Variants in EPS15L1 observed in about 807,000 individuals in gnomAD.
EPS15L1 encodes the protein epidermal growth factor receptor substrate 15-like 1.
In EPS15L1, 43 loss-of-function variants were observed where a neutral mutation model predicts 117.1. The observed-to-expected ratio is 0.37, with a 90% CI of 0.29 to 0.47. The LOEUF is 0.47. Among genes scored for constraint, EPS15L1 ranks in the 20% least tolerant of loss-of-function variants. The pLI, the probability that EPS15L1 is intolerant of heterozygous loss-of-function variation, is 0.99. For missense variants in EPS15L1, 981 were observed against 1,164.0 expected, an observed-to-expected ratio of 0.84 and a Z score of 2.29; for synonymous variants, 459 against 470.5, an observed-to-expected ratio of 0.98 and a Z score of 0.32.
At chr19:16,408,307 C>T (rs769519318) in intron 13 of EPS15L1, among the ~76,000 whole-genome samples, 10 of 152,044 alleles carry the variant, frequency 6.6e-5, no homozygotes, top group Non-Finnish European at 1.2e-4. Flanking sequence ...GGCTTCTTTG[C>T]AGAAACAGAC....
At chr19:16,399,399 G>A (rs1384852189) in intron 16 of EPS15L1, among the ~76,000 whole-genome samples, 2 of 152,132 alleles carry the variant, frequency 1.3e-5, no homozygotes, top group African/African-American at 4.8e-5. Flanking sequence ...ACGGCCCTTG[G>A]CAGAGATGTA....
chr19:16,392,693 T>C (rs1403259751), intron 18 of EPS15L1, among the ~76,000 whole-genome samples: 1 of 152,158 alleles, frequency 6.6e-6, no homozygotes, highest in Non-Finnish European at 1.5e-5. Context: ...CTCATCTTAT[T>C]ACATAGTAAA....
In EPS15L1 at chr19:16,403,716, C is replaced by A. The variant is rs780501401; in HGVS notation, c.1626+17G>T. On this transcript the variant is annotated intron_variant, in intron 15 of 23. Transcript: ENST00000455140. ...CTGGTCCCTGGCATGTGGCAGGGACCCGACTCCGTGAAGTACCTGGTTGAT... is the reference window on the plus strand; with the variant it reads ...CTGGTCCCTGGCATGTGGCAGGGACACGACTCCGTGAAGTACCTGGTTGAT... 33 of 1,608,598 alleles carry A rather than the reference C, an allele frequency of 2.1e-5. No homozygotes were observed. In the East Asian group the frequency reaches 7.4e-4, roughly 36 times the overall value.
At chr19:16,470,398 A>G (rs905160341) in intron 1 of EPS15L1, among the ~76,000 whole-genome samples, 9 of 151,884 alleles carry the variant, frequency 5.9e-5, no homozygotes, top group African/African-American at 2.2e-4. Context: ...AAAAAAAAAA[A>G]ATTGGACAGG....
intron 13 of EPS15L1, chr19:16,413,354 T>C (rs962867141): frequency 1.4e-6 from 1 of 695,528 alleles, no homozygotes; most frequent in African/African-American, 1.8e-5. Flanking sequence ...CTAGTATCAA[T>C]GACTGCTACA....
intron 1 of EPS15L1, among the ~76,000 whole-genome samples, chr19:16,448,936 A>C (rs964070345): frequency 6.6e-6 from 1 of 152,140 alleles, no homozygotes; most frequent in Non-Finnish European, 1.5e-5. Context: ...TATATACTAG[A>C]GAGCTCTCAA....
At position 16,371,456 on chromosome 19, in the gene EPS15L1, C is replaced by G. The variant is rs564819440; in HGVS notation, c.2380+5666G>C. 1.3e-5 allele frequency among the ~76,000 whole-genome samples: 2 copies of G among 152,138 alleles called. No homozygotes were observed. Among genetic ancestry groups the G allele is most frequent in the African/African-American group, 4.8e-5 (2 of 41,426 alleles). ...TGGTTAAACTTAGGTAAAAGCTGTT[C>G]GTTAGTGCAACTGTGGGGAGGGGGC... On this transcript the variant is annotated intron_variant, in intron 22 of 23. Transcript: ENST00000455140. This position sits in a 1 kb window ranked among gnomAD's most constrained non-coding sequence, Gnocchi z 4.7.
At chr19:16,468,592 C>G (rs904457020) in intron 1 of EPS15L1, among the ~76,000 whole-genome samples, 1 of 152,192 alleles carries the variant, frequency 6.6e-6, no homozygotes, top group Non-Finnish European at 1.5e-5. Context: ...GCAATCCATC[C>G]ACCTCAGCCT....
At chr19:16,400,754 T>C in intron 16 of EPS15L1, 2 of 985,438 alleles carry the variant, frequency 2.0e-6, no homozygotes, top group Non-Finnish European at 2.4e-6. Context: ...TCAGGTAACC[T>C]TTGCCCTGCC....
At chr19:16,467,317 G>GT (rs1260157420) in intron 1 of EPS15L1, among the ~76,000 whole-genome samples, 1 of 151,802 alleles carries the variant, frequency 6.6e-6, no homozygotes, top group Non-Finnish European at 1.5e-5. Context: ...CCAGGCTAAT[G>GT]TTTTGTATTT....
At chr19:16,421,773 G>A (rs2092816260) in intron 9 of EPS15L1, among the ~76,000 whole-genome samples, 1 of 152,132 alleles carries the variant, frequency 6.6e-6, no homozygotes, top group South Asian at 2.1e-4. Flanking sequence ...GAGGGAGGCT[G>A]TGATCTTCAG....
intron 3 of EPS15L1, 178 bp downstream of exon 3, chr19:16,441,714 G>GCA (rs2093033636): frequency 2.0e-6 from 1 of 495,840 alleles, no homozygotes; most frequent in African/African-American, 2.0e-5. Flanking sequence ...AAGTAGTGGT[G>GCA]GGGGCTGCCA....
chr19:16,413,533 T>C, intron 13 of EPS15L1: 1 of 718,972 alleles, frequency 1.4e-6, no homozygotes, highest in Non-Finnish European at 2.4e-6. Flanking sequence ...TACACCAGAG[T>C]CTCCATGCAG....
chr19:16,407,763 G>T (rs1447379030), intron 13 of EPS15L1, among the ~76,000 whole-genome samples: 1 of 152,194 alleles, frequency 6.6e-6, no homozygotes, highest in Non-Finnish European at 1.5e-5. Context: ...CTGAGCTGCA[G>T]TTTCCTTCAG....
intron 7 of EPS15L1, among the ~76,000 whole-genome samples, chr19:16,429,218 C>T (rs981899347): frequency 2.6e-5 from 4 of 152,130 alleles, no homozygotes; most frequent in African/African-American, 9.7e-5. Flanking sequence ...CGTCTCCACT[C>T]CCCAGCAGTG....
chr19:16,382,597 G>A (rs978857848), intron 21 of EPS15L1, among the ~76,000 whole-genome samples: 2 of 150,676 alleles, frequency 1.3e-5, no homozygotes, highest in Admixed American at 6.6e-5. Context: ...ATGGGCTGAC[G>A]ACTAACCCAG....
intron 13 of EPS15L1, 59 bp downstream of exon 13, chr19:16,413,714 G>A: frequency 1.4e-6 from 2 of 1,468,464 alleles, no homozygotes. Context: ...AGGGAGGGAA[G>A]TTTTCCTGAA....
chr19:16,403,238 CT>C lies in EPS15L1; in HGVS notation c.1626+494del, dbSNP rs377756400. Among the ~76,000 whole-genome samples, 392 of 152,308 alleles carry C rather than the reference CT, an allele frequency of 2.6e-3. 2 individuals are homozygous for C. The highest frequency in any genetic ancestry group is 3.1e-3 in the Non-Finnish European group (213 of 68,018). On this transcript the variant is annotated intron_variant, in intron 15 of 23. Coordinates refer to ENST00000455140, the MANE Select transcript of EPS15L1 (RefSeq NM_001258374.3). ...GGCCACGAGAAGCCAGCGCCCCCCC[CT>C]GGACTGGGAAGAGGGTGGGGGCGTC...
At chr19:16,400,753 C>A in intron 16 of EPS15L1, 2 of 985,440 alleles carry the variant, frequency 2.0e-6, no homozygotes, top group Non-Finnish European at 2.4e-6. Flanking sequence ...CTCAGGTAAC[C>A]TTTGCCCTGC....
Sources: gnomAD v4.1 joint callset for allele counts (sites outside exome capture counted in the v4.1 genomes callset) on GRCh38, gnomAD v4.1.1 for gene constraint, Gnocchi (gnomAD v3.1) non-coding constraint, MANE v1.5 for transcripts, NCBI Gene and HGNC (gene_info 2026-07-23, HGNC 2026-07-21) for gene names.